Variants in AFG2A observed in about 807,000 individuals in gnomAD.
AFG2A encodes the protein AAA ATPase AFG2A.
the AFG2A span, among the ~76,000 whole-genome samples, chr4:122,988,401 C>CTTTTT: frequency 8.1e-6 from 1 of 123,066 alleles, no homozygotes. Context: ...GTCATTCTTT[C>CTTTTT]TTTTTTTTTT....
the AFG2A span, among the ~76,000 whole-genome samples, chr4:123,104,756 A>G: frequency 6.6e-6 from 1 of 152,244 alleles, no homozygotes; most frequent in Non-Finnish European, 1.5e-5. Flanking sequence ...CTTAAGCCAA[A>G]GCCTAATCCA....
chr4:123,311,625 C>CAAAA, the AFG2A span, among the ~76,000 whole-genome samples: 795 of 92,118 alleles, frequency 8.6e-3, 20 homozygotes, highest in Middle Eastern at 0.012. Context: ...GACTCTGTCT[C>CAAAA]AAAAAAAAAA....
chr4:122,933,529 G>C, the AFG2A span: 1 of 1,578,164 alleles, frequency 6.3e-7, no homozygotes, highest in South Asian at 1.1e-5. Context: ...GTTTTCTTAA[G>C]TTTTAAGCTG....
the AFG2A span, among the ~76,000 whole-genome samples, chr4:123,178,073 G>A: frequency 2.0e-5 from 3 of 152,140 alleles, no homozygotes; most frequent in East Asian, 5.8e-4. Flanking sequence ...TAATAATACA[G>A]GAGGAAATAC....
chr4:123,028,243 G>A, the AFG2A span: 1 of 1,614,166 alleles, frequency 6.2e-7, no homozygotes, highest in East Asian at 2.2e-5. Flanking sequence ...GGAACAGGCT[G>A]TGGAATGGCC....
chr4:123,050,643 C>T, the AFG2A span, among the ~76,000 whole-genome samples: 15 of 151,676 alleles, frequency 9.9e-5, no homozygotes, highest in South Asian at 3.1e-3. Context: ...TTTTGGTCTC[C>T]ATTTGCATGG....
At chr4:123,165,179 A>G in the AFG2A span, among the ~76,000 whole-genome samples, 1 of 152,166 alleles carries the variant, frequency 6.6e-6, no homozygotes, top group African/African-American at 2.4e-5. Context: ...AAAATTATAG[A>G]GAAAAAAGGT....
At chr4:123,217,162 T>C in the AFG2A span, among the ~76,000 whole-genome samples, 1 of 152,198 alleles carries the variant, frequency 6.6e-6, no homozygotes, top group Non-Finnish European at 1.5e-5. Flanking sequence ...TAAAAGGGTG[T>C]AAATGTCAGT....
At chr4:122,947,750 G>T in the AFG2A span, among the ~76,000 whole-genome samples, 979 of 152,014 alleles carry the variant, frequency 6.4e-3, 14 homozygotes, top group African/African-American at 0.022. Flanking sequence ...CCATATCCTT[G>T]GGCTCAGCAT....
At chr4:123,106,586 G>A in the AFG2A span, among the ~76,000 whole-genome samples, 1 of 152,206 alleles carries the variant, frequency 6.6e-6, no homozygotes, top group African/African-American at 2.4e-5. Flanking sequence ...TCACTTGGAG[G>A]TAAGGCCTCC....
chr4:122,925,955 A>C, the AFG2A span, among the ~76,000 whole-genome samples: 1 of 152,362 alleles, frequency 6.6e-6, no homozygotes, highest in African/African-American at 2.4e-5. Flanking sequence ...TTAATGTGAT[A>C]CTTAAGGTGC....
At chr4:123,253,970 TA>T in the AFG2A span, among the ~76,000 whole-genome samples, 1 of 152,208 alleles carries the variant, frequency 6.6e-6, no homozygotes, top group Non-Finnish European at 1.5e-5. Flanking sequence ...CTAATGATGT[TA>T]AGTATCTTTT....
At chr4:123,088,022 G>T in the AFG2A span, among the ~76,000 whole-genome samples, 5 of 152,176 alleles carry the variant, frequency 3.3e-5, no homozygotes, top group Admixed American at 2.0e-4. Context: ...CATGTCTCTA[G>T]TTGAAACATC....
chr4:123,051,118 C>T, the AFG2A span, among the ~76,000 whole-genome samples: 3 of 151,632 alleles, frequency 2.0e-5, no homozygotes, highest in Admixed American at 2.0e-4. Context: ...CAAGGCCTTA[C>T]TTTGACCATT....
the AFG2A span, chr4:123,090,548 G>T: frequency 1.2e-6 from 2 of 1,611,930 alleles, no homozygotes; most frequent in African/African-American, 1.3e-5. Context: ...GATAAGTAAA[G>T]ATATTTTTTA....
chr4:123,302,189 G>A, the AFG2A span, among the ~76,000 whole-genome samples: 1 of 152,186 alleles, frequency 6.6e-6, no homozygotes, highest in African/African-American at 2.4e-5. Flanking sequence ...TAGACTTGGG[G>A]AGGAGTCTTG....
chr4:122,995,060 G>C, the AFG2A span, among the ~76,000 whole-genome samples: 4 of 152,206 alleles, frequency 2.6e-5, no homozygotes, highest in East Asian at 5.8e-4. Context: ...TTTGAGTGAA[G>C]TAGTTTAATT....
chr4:123,275,305 G>A, the AFG2A span, among the ~76,000 whole-genome samples: 1 of 152,170 alleles, frequency 6.6e-6, no homozygotes, highest in African/African-American at 2.4e-5. Context: ...TTTGCATAAA[G>A]TTCTCCTGGC....
the AFG2A span, among the ~76,000 whole-genome samples, chr4:123,025,672 T>C: frequency 6.6e-6 from 1 of 152,202 alleles, no homozygotes; most frequent in African/African-American, 2.4e-5. Flanking sequence ...TTGTAGACCT[T>C]TGGTTTTTTT....
Sources: allele counts gnomAD v4.1 joint callset (sites outside exome capture counted in the v4.1 genomes callset), GRCh38; gene constraint gnomAD v4.1.1; transcripts MANE v1.5; gene names NCBI Gene and HGNC (gene_info 2026-07-23, HGNC 2026-07-21).